Variants in LRBA observed in about 807,000 individuals in gnomAD.
The protein encoded by LRBA is LPS responsive beige-like anchor protein.
A neutral mutation model predicts 330.0 loss-of-function variants in LRBA; 176 were observed. That is an observed-to-expected ratio of 0.53 (90% CI 0.47 to 0.60). LRBA has a LOEUF of 0.60. LRBA is among the 20% of genes least tolerant of loss of function. The pLI, the probability that LRBA is intolerant of heterozygous loss-of-function variation, is 0.00. For missense variants in LRBA, 3,259 were observed against 3,444.8 expected (o/e 0.95, Z 1.35); for synonymous variants, 1,230 against 1,193.0 (o/e 1.03, Z -0.64).
At chr4:150,958,517 C>T (rs1737797050) in intron 2 of LRBA, among the ~76,000 whole-genome samples, 2 of 149,290 alleles carry the variant, frequency 1.3e-5, no homozygotes, top group South Asian at 2.1e-4. Flanking sequence ...AGACATTTCC[C>T]TATTGTCTTG....
At chr4:150,910,636 G>GTT (rs1420162893) in intron 9 of LRBA, among the ~76,000 whole-genome samples, 2 of 152,058 alleles carry the variant, frequency 1.3e-5, no homozygotes, top group Admixed American at 6.6e-5. Context: ...TTTAAATACT[G>GTT]TTTTGGCTTC....
intron 37 of LRBA, among the ~76,000 whole-genome samples, chr4:150,609,581 A>T (rs1176730838): frequency 6.6e-6 from 1 of 152,204 alleles, no homozygotes; most frequent in Non-Finnish European, 1.5e-5. Flanking sequence ...ATTTCTTATT[A>T]CTTGCCTTTG....
At chr4:150,929,295 T>C (rs1227976997) in intron 2 of LRBA, among the ~76,000 whole-genome samples, 3 of 152,174 alleles carry the variant, frequency 2.0e-5, no homozygotes, top group African/African-American at 4.8e-5. Context: ...AAAACAAATA[T>C]AGGATGTCTT....
chr4:150,442,675 T>C (rs1751992577), intron 44 of LRBA, among the ~76,000 whole-genome samples: 1 of 152,140 alleles, frequency 6.6e-6, no homozygotes, highest in Admixed American at 6.6e-5. Flanking sequence ...AGAAAACCAC[T>C]GCAAAGTAAG....
chr4:150,591,133 G>C (rs1210328510), intron 38 of LRBA, among the ~76,000 whole-genome samples: 1 of 152,038 alleles, frequency 6.6e-6, no homozygotes, highest in East Asian at 1.9e-4. Flanking sequence ...TTATAGTTAG[G>C]GTAGGAGTGG....
chr4:150,785,959 C>T (rs1357643983), intron 34 of LRBA, among the ~76,000 whole-genome samples: 1 of 152,142 alleles, frequency 6.6e-6, no homozygotes, highest in African/African-American at 2.4e-5. Context: ...CACATAAAAA[C>T]CACGGAATCA....
intron 54 of LRBA, among the ~76,000 whole-genome samples, chr4:150,284,438 A>G (rs1296647948): frequency 6.6e-6 from 1 of 152,256 alleles, no homozygotes; most frequent in Non-Finnish European, 1.5e-5. Flanking sequence ...ATAATTATCA[A>G]TGTATCAAAT....
intron 34 of LRBA, among the ~76,000 whole-genome samples, chr4:150,771,931 C>T (rs1229131397): frequency 6.6e-6 from 1 of 152,206 alleles, no homozygotes; most frequent in African/African-American, 2.4e-5. Context: ...AGTCACCCTT[C>T]AGTGAGCATT....
rs1421135569 is a variant in LRBA, at chr4:150,960,300, G to A, written c.217-31235C>T. On this transcript the variant is annotated intron_variant, in intron 2 of 56. Coordinates refer to ENST00000651943, the MANE Select transcript of LRBA (RefSeq NM_001364905.1). ...CCACCTAGAGTCTAGCCAAAGGTAT[G>A]GAAGCCAAATCTTCTGGAATCAACT... is the stretch of plus-strand genomic sequence containing the variant. Among the ~76,000 whole-genome samples, 2 of 148,558 alleles carry A rather than the reference G, an allele frequency of 1.3e-5. 1 individual carries two copies. Among genetic ancestry groups the A allele is most frequent in the African/African-American group, 5.2e-5 (2 of 38,118 alleles).
intron 34 of LRBA, among the ~76,000 whole-genome samples, chr4:150,774,110 T>C (rs72961812): frequency 0.032 from 4,930 of 152,290 alleles, 220 homozygotes; most frequent in African/African-American, 0.11. Context: ...ATTTTATATT[T>C]CATGGAGCAT....
At chr4:150,745,956 T>A (rs1395608990) in intron 35 of LRBA, among the ~76,000 whole-genome samples, 2 of 152,346 alleles carry the variant, frequency 1.3e-5, no homozygotes, top group African/African-American at 2.4e-5. Context: ...TTTTTCTGGT[T>A]ACATAGCATT....
At chr4:150,672,905 C>A (rs896991297) in intron 37 of LRBA, among the ~76,000 whole-genome samples, 3 of 152,030 alleles carry the variant, frequency 2.0e-5, no homozygotes, top group Non-Finnish European at 4.4e-5. Flanking sequence ...TTTAGAAATG[C>A]ATCAACGGAA....
At chr4:150,277,618 C>A (rs569248522) in intron 56 of LRBA, among the ~76,000 whole-genome samples, 2 of 152,022 alleles carry the variant, frequency 1.3e-5, no homozygotes, top group African/African-American at 4.8e-5. Flanking sequence ...CTCCATCAGC[C>A]CATTTAAATA....
intron 56 of LRBA, among the ~76,000 whole-genome samples, chr4:150,269,611 TAAC>T (rs1745806445): frequency 6.6e-6 from 1 of 152,192 alleles, no homozygotes; most frequent in Non-Finnish European, 1.5e-5. Context: ...AGAGACAAGA[TAAC>T]AAAACAAACT....
intron 22 of LRBA, among the ~76,000 whole-genome samples, chr4:150,863,825 C>T (rs1427389405): frequency 6.6e-6 from 1 of 152,142 alleles, no homozygotes; most frequent in Non-Finnish European, 1.5e-5. Context: ...AATCCAACTC[C>T]TTTATTTTGT....
rs369814885 is a variant in LRBA, at chr4:150,436,893, A to C, written c.6781-29T>G. On this transcript the variant is annotated intron_variant, in intron 44 of 56. Coordinates refer to ENST00000651943, the MANE Select transcript of LRBA (RefSeq NM_001364905.1). ...CCAATAGGGAGGGAAAAAACAAAGA[A>C]TACATCAATGTAATCATCCTTCATG... 6.9e-6 allele frequency: 11 copies of C among 1,604,622 alleles called. No individual in the cohort carries two copies. The African/African-American group carries it at 1.5e-4, about 21-fold the overall frequency.
intron 36 of LRBA, among the ~76,000 whole-genome samples, chr4:150,706,176 A>C (rs1021523696): frequency 6.6e-6 from 1 of 151,946 alleles, no homozygotes; most frequent in Admixed American, 6.6e-5. Flanking sequence ...AGGAGAAGCA[A>C]GAGGAACATA....
At chr4:150,709,173 G>C (rs555331804) in intron 36 of LRBA, among the ~76,000 whole-genome samples, 1 of 151,938 alleles carries the variant, frequency 6.6e-6, no homozygotes, top group South Asian at 2.1e-4. Context: ...ATATTCTCCA[G>C]CTAATAAATT....
intron 47 of LRBA, among the ~76,000 whole-genome samples, chr4:150,379,041 G>A (rs763516742): frequency 7.2e-5 from 11 of 151,934 alleles, no homozygotes; most frequent in South Asian, 2.1e-4. Flanking sequence ...GGCTCATGCC[G>A]CCTGTAATAC....
Sources: gnomAD v4.1 joint callset for allele counts (sites outside exome capture counted in the v4.1 genomes callset) on GRCh38, gnomAD v4.1.1 for gene constraint, MANE v1.5 for transcripts, NCBI Gene and HGNC (gene_info 2026-07-23, HGNC 2026-07-21) for gene names.